ELFN2: variants seen among roughly 807,000 people sequenced by gnomAD.
ELFN2 encodes protein phosphatase 1 regulatory subunit 29.
A neutral mutation model predicts 45.5 loss-of-function variants in ELFN2; 17 were observed. The ratio of observed to expected loss-of-function variants is 0.37; its 90% CI spans 0.26 to 0.56. The LOEUF (loss-of-function observed/expected upper bound fraction) is 0.56, where lower values mean the gene tolerates loss of function less well. Ranked by LOEUF, ELFN2 falls within the 20% of genes least tolerant of loss-of-function variation. The probability of loss-of-function intolerance (pLI) is 0.77; values close to 1 mark genes in which losing one functional copy is unlikely to be tolerated. For synonymous variants in ELFN2, 550 were observed against 551.5 expected, an observed-to-expected ratio of 1.00 and a Z score of 0.04; for missense variants, 922 against 1,183.2, an observed-to-expected ratio of 0.78 and a Z score of 3.24.
intron 2 of ELFN2, among the ~76,000 whole-genome samples, chr22:37,409,901 T>A (rs1189159446): frequency 6.6e-6 from 1 of 151,826 alleles, no homozygotes; most frequent in Admixed American, 6.6e-5. Flanking sequence ...GAAACACGGG[T>A]CAGTGACAGC....
At chr22:37,423,837 G>A (rs1401468367) in intron 1 of ELFN2, among the ~76,000 whole-genome samples, 1 of 152,106 alleles carries the variant, frequency 6.6e-6, no homozygotes, top group Non-Finnish European at 1.5e-5. Flanking sequence ...CAGAGCTAGG[G>A]GGAAGGAGAG....
chr22:37,393,861 C>G (rs1932143556), intron 2 of ELFN2, among the ~76,000 whole-genome samples: 2 of 152,218 alleles, frequency 1.3e-5, no homozygotes, highest in Non-Finnish European at 2.9e-5. Context: ...AATGGAGCTG[C>G]AGGCGACACG....
intron 1 of ELFN2, among the ~76,000 whole-genome samples, chr22:37,358,286 G>T (rs371699882): frequency 1.3e-5 from 2 of 152,196 alleles, no homozygotes; most frequent in African/African-American, 4.8e-5. Flanking sequence ...TAGGAGTTCC[G>T]TGTTGATGGT....
intron 2 of ELFN2, among the ~76,000 whole-genome samples, chr22:37,399,135 T>C (rs886442255): frequency 1.3e-5 from 2 of 152,036 alleles, no homozygotes; most frequent in African/African-American, 4.8e-5. Context: ...CTTACCCCTC[T>C]CTGAACTCGG....
At chr22:37,344,196 C>T (rs1292857526) in intron 1 of ELFN2, among the ~76,000 whole-genome samples, 1 of 122,602 alleles carries the variant, frequency 8.2e-6, no homozygotes, top group Non-Finnish European at 1.8e-5. Flanking sequence ...CCTGCCCATG[C>T]ACACCTGCCC....
intron 1 of ELFN2, among the ~76,000 whole-genome samples, chr22:37,346,765 C>G (rs144030157): frequency 1.3e-5 from 2 of 152,048 alleles, no homozygotes; most frequent in Non-Finnish European, 2.9e-5. Context: ...AGCACACAAC[C>G]GTACACACAC....
chr22:37,422,287 A>G (rs997813687), intron 1 of ELFN2, among the ~76,000 whole-genome samples: 1 of 152,098 alleles, frequency 6.6e-6, no homozygotes, highest in African/African-American at 2.4e-5. Context: ...AAATAATGGC[A>G]TCTCGCATGC....
chr22:37,361,463 C>T (rs985995927), intron 1 of ELFN2, among the ~76,000 whole-genome samples: 8 of 152,020 alleles, frequency 5.3e-5, no homozygotes, highest in Admixed American at 1.3e-4. Context: ...CCTTCCACCT[C>T]CCCAGTCCCC....
Position 37,368,006 on chromosome 22 carries a change from C to T in ELFN2, c.*5066G>A, listed in dbSNP as rs1200477744. Reference sequence around the variant, plus strand: ...TTGCAAATATAGAAATTGATTCTCTCCATACAGGAATCTCCGAGTTGAGGA... The same window carrying T: ...TTGCAAATATAGAAATTGATTCTCTTCATACAGGAATCTCCGAGTTGAGGA... On this transcript the variant is annotated 3_prime_UTR_variant, in exon 3 of 3. Coordinates refer to ENST00000402918, the MANE Select transcript of ELFN2 (RefSeq NM_052906.5). 1 of 152,574 alleles carries T rather than the reference C, an allele frequency of 6.6e-6. No homozygotes were observed. Among genetic ancestry groups the T allele is most frequent in the Non-Finnish European group, 1.5e-5 (1 of 68,046 alleles). The allele number at this position is 152,574 out of a possible 1,614,324, so 9.5% of individuals were successfully genotyped here. A position where few individuals can be genotyped will look rare whatever the true frequency, so the allele number is the denominator to read the frequency against.
chr22:37,367,502 G>A (rs1186385773), downstream of ELFN2, among the ~76,000 whole-genome samples: 3 of 152,192 alleles, frequency 2.0e-5, no homozygotes, highest in Admixed American at 2.0e-4. Flanking sequence ...CCATAGACAG[G>A]GGCAGCAAGA....
intron 1 of ELFN2, among the ~76,000 whole-genome samples, 200 bp from the exon 2 acceptor site, chr22:37,418,119 G>A (rs60291349): frequency 6.2e-4 from 94 of 152,240 alleles, no homozygotes; most frequent in Admixed American, 1.6e-3. Flanking sequence ...AGGGAGAGGA[G>A]GAATGGAGGG....
chr22:37,345,274 C>T (rs530622291), intron 1 of ELFN2, among the ~76,000 whole-genome samples: 2 of 152,352 alleles, frequency 1.3e-5, no homozygotes, highest in African/African-American at 4.8e-5. Flanking sequence ...CCACCTCCTC[C>T]AGGAAGCCTT....
intron 2 of ELFN2, among the ~76,000 whole-genome samples, chr22:37,411,690 G>C (rs1043009354): frequency 6.6e-6 from 1 of 152,172 alleles, no homozygotes; most frequent in African/African-American, 2.4e-5. Flanking sequence ...GTGGAGACAG[G>C]GATGGGGCTA....
chr22:37,381,175 A>T (rs545943025), intron 2 of ELFN2, among the ~76,000 whole-genome samples: 1 of 152,084 alleles, frequency 6.6e-6, no homozygotes, highest in Non-Finnish European at 1.5e-5. Flanking sequence ...CTCGAATCTT[A>T]TATCAACCCC....
In ELFN2 at chr22:37,375,752, G is replaced by C. The variant is rs983759069; in HGVS notation, c.-218C>G. The C allele has an allele frequency of 2.4e-5, 14 of 587,420 alleles. No individual in the cohort carries two copies. Among genetic ancestry groups the C allele is most frequent in the Non-Finnish European group, 4.2e-5 (14 of 329,764 alleles). 36.4% of individuals were successfully genotyped at this position (587,420 alleles called of 1,614,324 possible). On this transcript the variant is annotated 5_prime_UTR_variant, in exon 3 of 3. Coordinates refer to ENST00000402918, the MANE Select transcript of ELFN2 (RefSeq NM_052906.5). ...GGCCTGGCTAGGGCTGGGGGTGGGG[G>C]CCCCACAGCCTGCTCCCCACCGCAG... is the stretch of plus-strand genomic sequence containing the variant.
At chr22:37,422,084 A>G (rs1049296911) in intron 1 of ELFN2, among the ~76,000 whole-genome samples, 2 of 152,202 alleles carry the variant, frequency 1.3e-5, no homozygotes, top group Admixed American at 6.5e-5. Flanking sequence ...ACAAACAGTC[A>G]CAAGAGCTGG....
chr22:37,343,436 G>A (rs929088851), intron 1 of ELFN2, among the ~76,000 whole-genome samples: 4 of 151,996 alleles, frequency 2.6e-5, no homozygotes, highest in Non-Finnish European at 4.4e-5. Context: ...TCTGCTGGCC[G>A]ATGCCCGCCT....
rs147870695 is a variant in ELFN2 at position 37,412,010 on chromosome 22, C to T, written c.-463+5759G>A. Among the ~76,000 whole-genome samples, 445 of 152,064 alleles carry T rather than the reference C, an allele frequency of 2.9e-3. 2 individuals are homozygous for T. The highest frequency in any genetic ancestry group is 5.6e-3 in the South Asian group (27 of 4,808). ...GTCTTCCCAGAGCTCTTGGAACCTC[C>T]GCTCAGAGGACCATCTCTCCTCCGA... is the stretch of plus-strand genomic sequence containing the variant. On this transcript the variant is annotated intron_variant, in intron 2 of 2. Coordinates refer to ENST00000402918, the MANE Select transcript of ELFN2 (RefSeq NM_052906.5).
intron 2 of ELFN2, among the ~76,000 whole-genome samples, chr22:37,385,622 T>A (rs544448587): frequency 6.6e-6 from 1 of 152,204 alleles, no homozygotes; most frequent in African/African-American, 2.4e-5. Context: ...CTGGAGTTTA[T>A]GAGGCCAGCA....
Sources: allele counts gnomAD v4.1 joint callset (sites outside exome capture counted in the v4.1 genomes callset), GRCh38; gene constraint gnomAD v4.1.1; transcripts MANE v1.5; gene names NCBI Gene and HGNC (gene_info 2026-07-23, HGNC 2026-07-21).